Variants in CHD1L observed in about 807,000 individuals in gnomAD.
The protein encoded by CHD1L is ATP-dependent chromatin remodeler CHD1L.
CHD1L carries 118 observed loss-of-function variants against 115.9 expected under a neutral mutation model. The observed-to-expected ratio is 1.02, with a 90% CI of 0.88 to 1.19. The LOEUF (loss-of-function observed/expected upper bound fraction) is 1.19, where lower values mean the gene tolerates loss of function less well. Ranked by LOEUF, CHD1L falls within the 50% of genes most tolerant of loss-of-function variation. The probability of loss-of-function intolerance (pLI) is 0.00; values close to 1 mark genes in which losing one functional copy is unlikely to be tolerated. For missense variants in CHD1L, 1,179 were observed against 1,065.3 expected (o/e 1.11, Z -1.49); for synonymous variants, 411 against 387.1 (o/e 1.06, Z -0.72).
chr1:147,179,374 G>A, the CHD1L span: 13 of 1,599,910 alleles, frequency 8.1e-6, no homozygotes, highest in Admixed American at 1.7e-5. Context: ...AGAACTTGGC[G>A]AGAAGCTCAG....
At chr1:147,190,702 C>A in the CHD1L span, among the ~76,000 whole-genome samples, 2 of 151,906 alleles carry the variant, frequency 1.3e-5, no homozygotes, top group African/African-American at 4.8e-5. Flanking sequence ...TATTATTATA[C>A]CTTAAGTTTT....
chr1:147,199,275 G>T, the CHD1L span, among the ~76,000 whole-genome samples: 1 of 152,100 alleles, frequency 6.6e-6, no homozygotes, highest in Admixed American at 6.6e-5. Context: ...TTTAAAATTG[G>T]CATAGTGAAG....
At chr1:147,295,409 C>A in intron 22 of CHD1L, 22 bp from the exon 23 acceptor site, 1 of 1,550,918 alleles carries the variant, frequency 6.4e-7, no homozygotes, top group Non-Finnish European at 8.9e-7. Flanking sequence ...TGACATGTAT[C>A]TTCCTTGACC....
the CHD1L span, among the ~76,000 whole-genome samples, chr1:147,231,733 G>A: frequency 6.6e-6 from 1 of 152,112 alleles, no homozygotes; most frequent in Non-Finnish European, 1.5e-5. Context: ...TCGGAGCCAG[G>A]CATGGGATAT....
At position 147,242,781 on chromosome 1, in the gene CHD1L, C is replaced by G. The variant is rs149996735; in HGVS notation, c.78C>G (p.Ala26=). ...FLLRLHTEGR[A]EAARVQEQDL... ...TGCGGCTTCATACTGAGGGCCGAGC[C>G]GAGGCGGCGCGGGTGCAGGAGCAGG... The change falls in exon 1 of 23, where the codon GCC becomes GCG. Residue 26 remains alanine (A), a synonymous_variant. Coordinates refer to ENST00000369258, the MANE Select transcript of CHD1L (RefSeq NM_004284.6). The G allele has an allele frequency of 1.6e-6, 2 of 1,271,672 alleles. No homozygotes were observed. Among genetic ancestry groups the G allele is most frequent in the South Asian group, 3.8e-5 (1 of 26,162 alleles). The allele number at this position is 1,271,672 out of a possible 1,614,324, so 78.8% of individuals were successfully genotyped here.
chr1:147,245,007 G>T (rs114559673), intron 1 of CHD1L, among the ~76,000 whole-genome samples: 1 of 152,204 alleles, frequency 6.6e-6, no homozygotes, highest in East Asian at 1.9e-4. Context: ...TGTTTATTTG[G>T]TTACCAATAT....
At chr1:147,178,143 G>C in the CHD1L span, 20 of 1,605,826 alleles carry the variant, frequency 1.2e-5, no homozygotes, top group African/African-American at 2.0e-4. Context: ...CGCTGTTCCC[G>C]GGCGTGGCGC....
chr1:147,281,830 C>G (rs917067926), intron 15 of CHD1L, among the ~76,000 whole-genome samples: 3 of 151,730 alleles, frequency 2.0e-5, no homozygotes, highest in Non-Finnish European at 4.4e-5. Flanking sequence ...TTGAAATTGG[C>G]AGATAAAATT....
chr1:147,275,181 T>C (rs1553956468), intron 12 of CHD1L, among the ~76,000 whole-genome samples, 173 bp from the exon 13 acceptor site: 1 of 152,208 alleles, frequency 6.6e-6, no homozygotes, highest in Non-Finnish European at 1.5e-5. Flanking sequence ...CAGGTAGCAC[T>C]TCTCACCGCT....
At chr1:147,277,950 GC>G (rs1679165313) in intron 14 of CHD1L, among the ~76,000 whole-genome samples, 1 of 152,114 alleles carries the variant, frequency 6.6e-6, no homozygotes. Context: ...GATGTGGGCT[GC>G]TGGACACATC....
chr1:147,293,904 T>C (rs1553973594), intron 21 of CHD1L, among the ~76,000 whole-genome samples, 182 bp downstream of exon 21: 1 of 152,142 alleles, frequency 6.6e-6, no homozygotes, highest in African/African-American at 2.4e-5. Context: ...AAAACACTTT[T>C]AATACCGGTT....
chr1:147,198,942 T>C, the CHD1L span, among the ~76,000 whole-genome samples: 1 of 151,342 alleles, frequency 6.6e-6, no homozygotes, highest in Admixed American at 6.6e-5. Flanking sequence ...TGCCAGCCTA[T>C]GACATAATGA....
chr1:147,189,258 G>A, the CHD1L span, among the ~76,000 whole-genome samples: 1 of 144,716 alleles, frequency 6.9e-6, no homozygotes, highest in Non-Finnish European at 1.5e-5. Context: ...GAGTGACAGA[G>A]TGAGACTCCG....
chr1:147,256,492 C>T, intron 4 of CHD1L, 39 bp from the exon 5 acceptor site: 1 of 1,582,324 alleles, frequency 6.3e-7, no homozygotes, highest in Non-Finnish European at 8.7e-7. Context: ...CAGAGTTTAT[C>T]AATGCCAGCC....
At chr1:147,186,415 GAA>G in the CHD1L span, 1 of 906,618 alleles carries the variant, frequency 1.1e-6, no homozygotes, top group African/African-American at 1.8e-5. Flanking sequence ...ACTATTGTAG[GAA>G]CATTATTTCT....
Position 147,280,161 on chromosome 1 carries a change from G to C in CHD1L, c.1675G>C (p.Glu559Gln). 6.2e-7 allele frequency: 1 copy of C among 1,610,590 alleles called. No homozygotes were observed. Among genetic ancestry groups the C allele is most frequent in the Non-Finnish European group, 8.5e-7 (1 of 1,178,538 alleles). Residue 559 changes from glutamate (E) to glutamine (Q), a missense_variant, in exon 15 of 23, where the codon GAA becomes CAA. By Grantham distance (29) the Glu-to-Gln change is conservative. Transcript: ENST00000369258. ...QWVSDALPAA[E>Q]GGSRDQEEGK... The stretch of plus-strand genomic sequence containing the variant: ...GGTCTCTGATGCCTTGCCTGCAGCA[G>C]AAGGAGGGAGCAGAGATCAAGAGGA...
chr1:147,186,953 C>T, the CHD1L span: 1 of 1,614,102 alleles, frequency 6.2e-7, no homozygotes, highest in Non-Finnish European at 8.5e-7. Context: ...ATAAACTTGC[C>T]TATTGTCATT....
At chr1:147,284,571 T>C (rs1682310455) in intron 16 of CHD1L, 72 bp downstream of exon 16, 2 of 1,321,944 alleles carry the variant, frequency 1.5e-6, no homozygotes, top group Non-Finnish European at 2.1e-6. Context: ...AAAATGATGC[T>C]GGCATCGTTT....
intron 20 of CHD1L, among the ~76,000 whole-genome samples, chr1:147,293,308 CTCTTT>C (rs1285534456): frequency 1.1e-5 from 1 of 94,950 alleles, no homozygotes; most frequent in African/African-American, 3.7e-5. Flanking sequence ...CAGAAAAATT[CTCTTT>C]TTTTTTTTAA....
Sources: allele counts gnomAD v4.1 joint callset (sites outside exome capture counted in the v4.1 genomes callset), GRCh38; gene constraint gnomAD v4.1.1; transcripts MANE v1.5; gene names NCBI Gene and HGNC (gene_info 2026-07-23, HGNC 2026-07-21).